Variants in G3BP1 observed in about 807,000 individuals in gnomAD.
G3BP1 encodes the protein G3BP stress granule assembly factor 1, also known as ras GTPase-activating protein-binding protein 1.
In G3BP1, 35 loss-of-function variants were observed where a neutral mutation model predicts 58.6. The observed-to-expected ratio is 0.60, with a 90% CI of 0.46 to 0.79. The LOEUF is 0.79. Among genes scored for constraint, G3BP1 ranks in the 30% least tolerant of loss-of-function variants. G3BP1 has a pLI of 0.00. For synonymous variants in G3BP1, 191 were observed against 195.4 expected, an observed-to-expected ratio of 0.98 and a Z score of 0.19; for missense variants, 523 against 580.8, an observed-to-expected ratio of 0.90 and a Z score of 1.02.
At chr5:151,796,471 T>C (rs1201060044) in intron 6 of G3BP1, among the ~76,000 whole-genome samples, 4 of 152,238 alleles carry the variant, frequency 2.6e-5, no homozygotes, top group Non-Finnish European at 5.9e-5. Context: ...TTTCGCCATA[T>C]TGGCCAGGCT....
rs1490818855 is a variant in G3BP1 at position 151,804,743 on chromosome 5, T to G, written c.*652T>G. The G allele has an allele frequency of 6.6e-6, 1 of 152,658 alleles. No individual in the cohort carries two copies. The highest frequency in any genetic ancestry group is 1.5e-5 in the Non-Finnish European group (1 of 68,030). 9.5% of individuals were successfully genotyped at this position (152,658 alleles called of 1,614,324 possible). A position where few individuals can be genotyped will look rare whatever the true frequency, so the allele number is the denominator to read the frequency against. ...GAAATTTAAATTGTGATAATAGGTT[T>G]TAAATGTCTAGAATGCAACTGATAG... On this transcript the variant is annotated 3_prime_UTR_variant, in exon 12 of 12. Coordinates refer to ENST00000356245, the MANE Select transcript of G3BP1 (RefSeq NM_005754.3).
intron 8 of G3BP1, 145 bp downstream of exon 8, chr5:151,799,458 A>G: frequency 1.6e-6 from 1 of 620,976 alleles, no homozygotes; most frequent in East Asian, 2.8e-5. Context: ...GGCTGAAGCC[A>G]GCTGATCACT....
chr5:151,783,591 A>G lies in G3BP1; in HGVS notation c.-49-2981A>G, dbSNP rs60679344. Among the ~76,000 whole-genome samples the G allele has an allele frequency of 6.5e-3, 992 of 151,912 alleles. 11 individuals are homozygous for G. Among genetic ancestry groups the G allele is most frequent in the African/African-American group, 0.022 (927 of 41,424 alleles). The stretch of plus-strand genomic sequence containing the variant: ...TTTTTAGGAGAGACAGGGTTTCACC[A>G]TGTTGGCCAGGCTCATCTCAAACTC... On this transcript the variant is annotated intron_variant, in intron 1 of 11. Coordinates refer to ENST00000356245, the MANE Select transcript of G3BP1 (RefSeq NM_005754.3).
intron 4 of G3BP1, 90 bp downstream of exon 4, chr5:151,791,152 T>G (rs1463753557): frequency 1.8e-6 from 2 of 1,128,482 alleles, no homozygotes; most frequent in East Asian, 4.7e-5. Context: ...ACACTTGAAA[T>G]TTCAGACTTA....
intron 6 of G3BP1, among the ~76,000 whole-genome samples, chr5:151,796,671 T>G (rs1762756993): frequency 6.6e-6 from 1 of 152,350 alleles, no homozygotes; most frequent in South Asian, 2.1e-4. Flanking sequence ...GAAAGAGTTT[T>G]TGTGTGTTTG....
intron 1 of G3BP1, chr5:151,772,615 C>T (rs953964383): frequency 5.2e-5 from 8 of 152,510 alleles, no homozygotes; most frequent in African/African-American, 1.7e-4. Flanking sequence ...GTGTCCGGCA[C>T]TGTGCGGAGC....
intron 11 of G3BP1, among the ~76,000 whole-genome samples, chr5:151,803,071 G>A (rs1762880842): frequency 6.6e-6 from 1 of 152,162 alleles, no homozygotes. Flanking sequence ...ATGTTTCGTA[G>A]CCCCTTAACT....
At chr5:151,772,449 A>C (rs1158216402) in intron 1 of G3BP1, 1 of 152,240 alleles carries the variant, frequency 6.6e-6, no homozygotes, top group Non-Finnish European at 1.5e-5. Flanking sequence ...GACCAGAAGG[A>C]GGCTTTCGTT....
rs1762708817 is a variant in G3BP1, at chr5:151,794,215, G to A, written c.408G>A (p.Glu136=). ...ATGATATCTTCAGATACCAAGATGAGGTCTTTGGTGGGTTTGTCACTGAGC... is the reference window on the plus strand; with the variant it reads ...ATGATATCTTCAGATACCAAGATGAAGTCTTTGGTGGGTTTGTCACTGAGC... The part of the protein sequence containing the change: ...VHNDIFRYQD[E]VFGGFVTEPQ... The change falls in exon 5 of 12, where the codon GAG becomes GAA. Residue 136 remains glutamate, a synonymous_variant. Coordinates refer to ENST00000356245, the MANE Select transcript of G3BP1 (RefSeq NM_005754.3). 6.2e-7 allele frequency: 1 copy of A among 1,609,886 alleles called. No homozygotes were observed. Among genetic ancestry groups the A allele is most frequent in the Non-Finnish European group, 8.5e-7 (1 of 1,176,242 alleles).
intron 7 of G3BP1, 139 bp downstream of exon 7, chr5:151,797,567 A>G (rs893507307): frequency 2.7e-5 from 24 of 898,446 alleles, no homozygotes; most frequent in Non-Finnish European, 3.8e-5. Flanking sequence ...TTTCTTAGAT[A>G]TTGAGCCATA....
rs370966766 is a variant in G3BP1 at position 151,795,773 on chromosome 5, G to T, written c.539+198G>T. ...GTTAATAGTAAATTGTACTATGAAG[G>T]CAATCTACTATTGCTTAGTTTAAAT... is the stretch of plus-strand genomic sequence containing the variant. On this transcript the variant is annotated intron_variant, in intron 6 of 11. Coordinates refer to ENST00000356245, the MANE Select transcript of G3BP1 (RefSeq NM_005754.3). Among the ~76,000 whole-genome samples the T allele has an allele frequency of 2.0e-5, 3 of 152,212 alleles. No homozygotes were observed. The East Asian group carries it at 5.8e-4, about 29-fold the overall frequency.
intron 4 of G3BP1, 148 bp from the exon 5 acceptor site, chr5:151,794,011 A>G: frequency 5.2e-6 from 3 of 579,106 alleles, no homozygotes; most frequent in Non-Finnish European, 9.3e-6. Flanking sequence ...ACCCTGTCTC[A>G]GAACCCCACA....
intron 1 of G3BP1, among the ~76,000 whole-genome samples, chr5:151,782,769 AGAG>A (rs1450961674): frequency 9.3e-5 from 14 of 151,242 alleles, no homozygotes; most frequent in Non-Finnish European, 1.9e-4. Context: ...ATTCCCCCCC[AGAG>A]GTAATTCATA....
intron 6 of G3BP1, among the ~76,000 whole-genome samples, chr5:151,795,897 G>A (rs1464094938): frequency 6.6e-6 from 1 of 152,184 alleles, no homozygotes; most frequent in African/African-American, 2.4e-5. Context: ...TAAATGCTTT[G>A]AGGGAATATG....
chr5:151,786,464 GTTT>G (rs1433637246), intron 1 of G3BP1, 105 bp from the exon 2 acceptor site: 2 of 639,702 alleles, frequency 3.1e-6, no homozygotes, highest in Non-Finnish European at 5.7e-6. Flanking sequence ...GGCTCTGTTT[GTTT>G]TTATGATGTT....
intron 8 of G3BP1, among the ~76,000 whole-genome samples, chr5:151,799,645 A>G (rs1226801618): frequency 6.6e-6 from 1 of 152,008 alleles, no homozygotes; most frequent in Non-Finnish European, 1.5e-5. Flanking sequence ...TGATTGTGCC[A>G]CTGCACTGCA....
At position 151,779,366 on chromosome 5, in the gene G3BP1, TG is replaced by T. The variant is rs1220854540; in HGVS notation, c.-49-7205del. Among the ~76,000 whole-genome samples, 4 of 152,352 alleles carry T rather than the reference TG, an allele frequency of 2.6e-5. No individual in the cohort carries two copies. In the East Asian group the frequency reaches 7.7e-4, roughly 29 times the overall value. On this transcript the variant is annotated intron_variant, in intron 1 of 11. Transcript: ENST00000356245. ...ATGAATTGAGGTTCTGGTTTTTTTT[TG>T]TTTTTTCCATATGATATCTAATTGT...
chr5:151,776,130 CT>C (rs1182893353), intron 1 of G3BP1, among the ~76,000 whole-genome samples: 1 of 152,122 alleles, frequency 6.6e-6, no homozygotes, highest in African/African-American at 2.4e-5. Context: ...TCTGTCTTTC[CT>C]TTTGTCTTTC....
At chr5:151,776,206 T>G (rs530058143) in intron 1 of G3BP1, among the ~76,000 whole-genome samples, 1 of 152,342 alleles carries the variant, frequency 6.6e-6, no homozygotes, top group East Asian at 1.9e-4. Flanking sequence ...TACAGATTTT[T>G]GGGGGAAGAA....
Sources: gnomAD v4.1 joint callset for allele counts (sites outside exome capture counted in the v4.1 genomes callset) on GRCh38, gnomAD v4.1.1 for gene constraint, MANE v1.5 for transcripts, NCBI Gene and HGNC (gene_info 2026-07-23, HGNC 2026-07-21) for gene names.